CDH18: variants seen among roughly 807,000 people sequenced by gnomAD.
CDH18 encodes cadherin 18, also known as cadherin-18.
A neutral mutation model predicts 67.9 loss-of-function variants in CDH18; 31 were observed. The ratio of observed to expected loss-of-function variants is 0.46; its 90% confidence interval spans 0.34 to 0.62. The LOEUF (loss-of-function observed/expected upper bound fraction) is 0.62. CDH18 is among the 20% of genes least tolerant of loss of function. The pLI, the probability that CDH18 is intolerant of heterozygous loss-of-function variation, is 0.01. For missense variants in CDH18, 890 were observed against 975.5 expected, an observed-to-expected ratio of 0.91 and a Z score of 1.17; for synonymous variants, 362 against 347.2, an observed-to-expected ratio of 1.04 and a Z score of -0.48.
intron 9 of CDH18, among the ~76,000 whole-genome samples, chr5:19,521,694 A>G (rs1226260590): frequency 8.0e-6 from 1 of 124,368 alleles, no homozygotes; most frequent in Non-Finnish European, 1.8e-5. Flanking sequence ...TAGATGGGTT[A>G]AAAAGTGTCA....
At chr5:20,068,026 A>C (rs2150520198) in intron 2 of CDH18, among the ~76,000 whole-genome samples, 1 of 152,066 alleles carries the variant, frequency 6.6e-6, no homozygotes, top group Non-Finnish European at 1.5e-5. Context: ...TATCTCGTTT[A>C]CCTTTTATTA....
intron 2 of CDH18, among the ~76,000 whole-genome samples, chr5:19,876,182 C>A (rs904595461): frequency 1.3e-5 from 2 of 152,008 alleles, no homozygotes; most frequent in Admixed American, 6.6e-5. Flanking sequence ...AAAAATCAAT[C>A]AAAATCCTAC....
At chr5:19,570,108 C>T (rs548566027) in intron 8 of CDH18, among the ~76,000 whole-genome samples, 1 of 152,080 alleles carries the variant, frequency 6.6e-6, no homozygotes, top group African/African-American at 2.4e-5. Flanking sequence ...TTTTATGGTG[C>T]TACATTTTTT....
chr5:19,810,815 G>T (rs1778555634), intron 3 of CDH18, among the ~76,000 whole-genome samples: 1 of 151,888 alleles, frequency 6.6e-6, no homozygotes, highest in Non-Finnish European at 1.5e-5. Flanking sequence ...TTGAGGTCAG[G>T]AGTTCAAGAC....
chr5:19,475,987 T>C (rs986263153), intron 12 of CDH18, among the ~76,000 whole-genome samples: 3 of 152,084 alleles, frequency 2.0e-5, no homozygotes, highest in Non-Finnish European at 4.4e-5. Context: ...CTAATCTATA[T>C]GGACTAGTTT....
intron 3 of CDH18, among the ~76,000 whole-genome samples, chr5:19,798,962 T>C (rs1777137266): frequency 6.6e-6 from 1 of 152,068 alleles, no homozygotes; most frequent in African/African-American, 2.4e-5. Flanking sequence ...TTATTATATA[T>C]TAATACTACA....
chr5:20,070,945 G>A (rs1743429967), intron 2 of CDH18, among the ~76,000 whole-genome samples: 1 of 152,086 alleles, frequency 6.6e-6, no homozygotes, highest in Non-Finnish European at 1.5e-5. Context: ...TGCTATTTTA[G>A]AAATATTTCC....
At chr5:20,325,428 C>T (rs1036578252) in intron 1 of CDH18, among the ~76,000 whole-genome samples, 2 of 152,114 alleles carry the variant, frequency 1.3e-5, no homozygotes, top group Non-Finnish European at 2.9e-5. Flanking sequence ...CGTATCATGT[C>T]TTACATGTTA....
At chr5:20,076,346 T>C (rs1286389440) in intron 2 of CDH18, among the ~76,000 whole-genome samples, 1 of 152,120 alleles carries the variant, frequency 6.6e-6, no homozygotes, top group Non-Finnish European at 1.5e-5. Flanking sequence ...TGACCTTGAA[T>C]ACTAAAAGTA....
At chr5:19,611,109 C>A (rs1031164536) in intron 6 of CDH18, among the ~76,000 whole-genome samples, 1 of 152,102 alleles carries the variant, frequency 6.6e-6, no homozygotes, top group Non-Finnish European at 1.5e-5. Context: ...GGGCTGAACA[C>A]CTAAGTTCGC....
intron 2 of CDH18, among the ~76,000 whole-genome samples, chr5:19,851,469 C>T: frequency 6.7e-6 from 1 of 148,480 alleles, no homozygotes; most frequent in East Asian, 2.0e-4. Context: ...TTCTTCCCTT[C>T]TACCTTCCAA....
intron 1 of CDH18, among the ~76,000 whole-genome samples, chr5:20,392,581 T>C (rs902660235): frequency 6.6e-6 from 1 of 151,914 alleles, no homozygotes; most frequent in African/African-American, 2.4e-5. Context: ...TAGATGAGAA[T>C]GCTGCAAACT....
intron 1 of CDH18, among the ~76,000 whole-genome samples, chr5:20,355,580 A>G (rs554951584): frequency 6.6e-6 from 1 of 152,312 alleles, no homozygotes; most frequent in African/African-American, 2.4e-5. Flanking sequence ...GAAAGTGTAT[A>G]TTGCTCATTA....
intron 1 of CDH18, among the ~76,000 whole-genome samples, chr5:20,538,944 A>G (rs1029623659): frequency 5.0e-5 from 6 of 120,600 alleles, no homozygotes; most frequent in Admixed American, 1.2e-4. Context: ...GCTGGAGTGC[A>G]GTGTCACGAT....
chr5:20,095,448 G>GAAAGAAAGA (rs1745877316), intron 2 of CDH18, among the ~76,000 whole-genome samples: 5 of 83,566 alleles, frequency 6.0e-5, no homozygotes, highest in African/African-American at 1.8e-4. Context: ...AGAAAGAAAA[G>GAAAGAAAGA]AAAGAAAGAA....
At chr5:19,995,338 G>GT (rs534479300) in intron 2 of CDH18, among the ~76,000 whole-genome samples, 3 of 151,598 alleles carry the variant, frequency 2.0e-5, no homozygotes, top group South Asian at 2.1e-4. Flanking sequence ...ATATAAACTT[G>GT]TTTTTTTATC....
chr5:20,550,430 C>G (rs560150007), intron 1 of CDH18, among the ~76,000 whole-genome samples: 1 of 152,046 alleles, frequency 6.6e-6, no homozygotes, highest in Admixed American at 6.6e-5. Context: ...AAATAATAAA[C>G]GAAAGTTAAA....
intron 2 of CDH18, among the ~76,000 whole-genome samples, chr5:19,960,608 C>CCGTGT (rs1561635720): frequency 6.2e-5 from 8 of 128,876 alleles, no homozygotes; most frequent in African/African-American, 3.0e-4. Flanking sequence ...TATATACACA[C>CCGTGT]ACGTGTATAT....
chr5:20,505,217 G>T (rs185930819), intron 1 of CDH18, among the ~76,000 whole-genome samples: 1 of 152,092 alleles, frequency 6.6e-6, no homozygotes, highest in Admixed American at 6.6e-5. Flanking sequence ...ATCCTGTGAA[G>T]ATTCTAAACA....
Sources: gnomAD v4.1 joint callset for allele counts (sites outside exome capture counted in the v4.1 genomes callset) on GRCh38, gnomAD v4.1.1 for gene constraint, MANE v1.5 for transcripts, NCBI Gene and HGNC (gene_info 2026-07-23, HGNC 2026-07-21) for gene names.